Variants in KIAA0825 observed in about 807,000 individuals in gnomAD.
KIAA0825 encodes the protein uncharacterized protein KIAA0825.
In KIAA0825, 119 loss-of-function variants were observed where a neutral mutation model predicts 147.6. The observed-to-expected ratio is 0.81, with a 90% CI of 0.69 to 0.94. KIAA0825 has a LOEUF of 0.94. Among genes scored for constraint, KIAA0825 ranks in the 40% least tolerant of loss-of-function variants. KIAA0825 has a pLI of 0.00. For synonymous variants in KIAA0825, 470 were observed against 518.1 expected (o/e 0.91, Z 1.26); for missense variants, 1,381 against 1,472.7 (o/e 0.94, Z 1.02).
At chr5:94,303,290 A>G (rs1343874636) in intron 20 of KIAA0825, among the ~76,000 whole-genome samples, 5 of 152,106 alleles carry the variant, frequency 3.3e-5, no homozygotes, top group South Asian at 2.1e-4. Flanking sequence ...TTAAAATATA[A>G]AAGTAGGAAT....
intron 3 of KIAA0825, among the ~76,000 whole-genome samples, chr5:94,526,227 C>T (rs1449505326): frequency 6.6e-6 from 1 of 151,826 alleles, no homozygotes; most frequent in Non-Finnish European, 1.5e-5. Flanking sequence ...TAAAAGGTAA[C>T]ATTTTCAAAT....
At chr5:94,214,087 G>A (rs184273798) in intron 20 of KIAA0825, among the ~76,000 whole-genome samples, 42 of 152,116 alleles carry the variant, frequency 2.8e-4, no homozygotes, top group East Asian at 7.7e-4. Flanking sequence ...AACTCCTGGC[G>A]TCAAGGGATC....
At chr5:94,451,031 G>A (rs1472357084) in intron 13 of KIAA0825, among the ~76,000 whole-genome samples, 1 of 152,114 alleles carries the variant, frequency 6.6e-6, no homozygotes, top group African/African-American at 2.4e-5. Context: ...AGAAGCACCT[G>A]AGTACTTACC....
intron 20 of KIAA0825, among the ~76,000 whole-genome samples, chr5:94,326,968 T>C (rs1172255723): frequency 6.6e-6 from 1 of 152,220 alleles, no homozygotes; most frequent in Non-Finnish European, 1.5e-5. Context: ...TGACCCATTT[T>C]GAATATAAAA....
chr5:94,170,842 A>G (rs1478625450), intron 20 of KIAA0825, among the ~76,000 whole-genome samples: 1 of 152,196 alleles, frequency 6.6e-6, no homozygotes, highest in Admixed American at 6.5e-5. Context: ...TTGGGAGAAG[A>G]GCACTCTTGA....
At chr5:94,511,011 G>T (rs1389407887) in intron 5 of KIAA0825, among the ~76,000 whole-genome samples, 1 of 152,062 alleles carries the variant, frequency 6.6e-6, no homozygotes, top group African/African-American at 2.4e-5. Flanking sequence ...TTGGAGGTAG[G>T]GCTTTGGGAG....
intron 2 of KIAA0825, among the ~76,000 whole-genome samples, chr5:94,562,939 C>T (rs1378672668): frequency 3.3e-5 from 5 of 152,148 alleles, no homozygotes; most frequent in South Asian, 2.1e-4. Flanking sequence ...ACATTCTTGA[C>T]GTAATTCTGA....
chr5:94,380,170 GTGGC>G (rs1748200194), intron 20 of KIAA0825, among the ~76,000 whole-genome samples: 1 of 152,080 alleles, frequency 6.6e-6, no homozygotes, highest in South Asian at 2.1e-4. Flanking sequence ...TATTCTTTTT[GTGGC>G]TATTACAACA....
intron 20 of KIAA0825, among the ~76,000 whole-genome samples, chr5:94,231,386 G>A (rs941152334): frequency 2.4e-4 from 37 of 151,940 alleles, no homozygotes; most frequent in African/African-American, 8.9e-4. Context: ...GAAGATATTC[G>A]ATATCTTCCA....
At chr5:94,470,184 A>G (rs1584592637) in intron 9 of KIAA0825, 73 bp from the exon 10 acceptor site, 1 of 1,091,270 alleles carries the variant, frequency 9.2e-7, no homozygotes, top group Non-Finnish European at 1.2e-6. Flanking sequence ...CTCCAGTACT[A>G]CAAATGGTTT....
At chr5:94,449,800 C>T (rs962426092) in intron 13 of KIAA0825, among the ~76,000 whole-genome samples, 2 of 152,054 alleles carry the variant, frequency 1.3e-5, no homozygotes, top group African/African-American at 4.8e-5. Flanking sequence ...ATTCACAGGC[C>T]GGGCACAGTG....
chr5:94,516,784 C>T (rs1310233187), intron 5 of KIAA0825, among the ~76,000 whole-genome samples: 2 of 126,784 alleles, frequency 1.6e-5, no homozygotes, highest in African/African-American at 6.1e-5. Context: ...AACGAGACTC[C>T]GTCTCAAAAA....
chr5:94,526,601 T>C (rs1402850471), intron 3 of KIAA0825, among the ~76,000 whole-genome samples: 1 of 152,028 alleles, frequency 6.6e-6, no homozygotes, highest in Non-Finnish European at 1.5e-5. Flanking sequence ...AAAGCATTTT[T>C]AAAATGCAAT....
At chr5:94,260,852 G>A (rs1223940238) in intron 20 of KIAA0825, among the ~76,000 whole-genome samples, 1 of 151,990 alleles carries the variant, frequency 6.6e-6, no homozygotes, top group East Asian at 1.9e-4. Flanking sequence ...AGAATTCGGT[G>A]ACATTTTTAG....
chr5:94,443,791 C>T (rs185389468), intron 13 of KIAA0825, among the ~76,000 whole-genome samples: 181 of 151,836 alleles, frequency 1.2e-3, no homozygotes, highest in African/African-American at 4.1e-3. Context: ...TGACTTCCAA[C>T]TTGATGTGAG....
rs1759845331 is a variant in KIAA0825, at chr5:94,461,609, C to A, written c.2246+778G>T. Among the ~76,000 whole-genome samples the A allele has an allele frequency of 2.0e-5, 3 of 151,832 alleles. No homozygotes were observed. In the South Asian group the frequency reaches 6.2e-4, roughly 31 times the overall value. The stretch of plus-strand genomic sequence containing the variant: ...GAAGCTGAAATAAAGGCTGTTAATT[C>A]TCTTAGAATATCTAATACAAATGTG... On this transcript the variant is annotated intron_variant, in intron 12 of 20. Coordinates refer to ENST00000682413, the MANE Select transcript of KIAA0825 (RefSeq NM_001145678.3).
At chr5:94,416,689 G>C (rs1330442148) in intron 15 of KIAA0825, 7 of 154,606 alleles carry the variant, frequency 4.5e-5, no homozygotes, top group African/African-American at 1.4e-4. Flanking sequence ...GAAGGAAGAA[G>C]AACAATACAG....
chr5:94,478,918 C>T (rs1400856035), intron 6 of KIAA0825, among the ~76,000 whole-genome samples: 4 of 152,206 alleles, frequency 2.6e-5, no homozygotes, highest in Non-Finnish European at 5.9e-5. Flanking sequence ...CTCAAAATGT[C>T]CACTTTCTGA....
chr5:94,415,352 A>T (rs1197010999), intron 15 of KIAA0825: 1 of 152,150 alleles, frequency 6.6e-6, no homozygotes, highest in Non-Finnish European at 1.5e-5. Flanking sequence ...ATATTGCGGG[A>T]TTATGATTAC....
Sources: allele counts gnomAD v4.1 joint callset (sites outside exome capture counted in the v4.1 genomes callset), GRCh38; gene constraint gnomAD v4.1.1; transcripts MANE v1.5; gene names NCBI Gene and HGNC (gene_info 2026-07-23, HGNC 2026-07-21).